IREB2: variants seen among roughly 807,000 people sequenced by gnomAD.
IREB2 encodes the protein iron responsive element binding protein 2.
Under a neutral mutation model 118.8 loss-of-function variants are expected in IREB2, and 39 were observed. The observed-to-expected ratio is 0.33, with a 90% CI of 0.25 to 0.43. IREB2 has a LOEUF of 0.43. Among genes scored for constraint, IREB2 ranks in the 20% least tolerant of loss-of-function variants. The pLI, the probability that IREB2 is intolerant of heterozygous loss-of-function variation, is 1.00. For synonymous variants in IREB2, 372 were observed against 392.2 expected, an observed-to-expected ratio of 0.95 and a Z score of 0.61; for missense variants, 900 against 1,147.3, an observed-to-expected ratio of 0.78 and a Z score of 3.11.
chr15:78,439,093 C>G (rs955035898), intron 1 of IREB2, among the ~76,000 whole-genome samples: 1 of 152,140 alleles, frequency 6.6e-6, no homozygotes, highest in Non-Finnish European at 1.5e-5. Flanking sequence ...CCCGCCACTG[C>G]CCCCTAGAAT....
intron 6 of IREB2, 88 bp downstream of exon 6, chr15:78,470,689 CT>C (rs67871183): frequency 0.13 from 26,941 of 208,424 alleles, 249 homozygotes; most frequent in Middle Eastern, 0.17. Flanking sequence ...TTTTCTTTTC[CT>C]TTTTTTTTTT....
At chr15:78,493,045 C>T (rs1483974377) in intron 18 of IREB2, among the ~76,000 whole-genome samples, 1 of 152,116 alleles carries the variant, frequency 6.6e-6, no homozygotes, top group African/African-American at 2.4e-5. Context: ...ACCTATGAAG[C>T]ATTGTTGCCA....
At chr15:78,446,543 C>G (rs2050932158) in intron 2 of IREB2, among the ~76,000 whole-genome samples, 1 of 152,096 alleles carries the variant, frequency 6.6e-6, no homozygotes, top group Non-Finnish European at 1.5e-5. Flanking sequence ...GATTTCTGCC[C>G]TGTTCCACTC....
chr15:78,483,574 T>C, intron 11 of IREB2, 140 bp downstream of exon 11: 1 of 573,242 alleles, frequency 1.7e-6, no homozygotes, highest in South Asian at 2.7e-5. Context: ...TTATTTTCCT[T>C]CTGTCTAATG....
chr15:78,445,847 C>G (rs2050920342), intron 2 of IREB2, among the ~76,000 whole-genome samples: 1 of 152,222 alleles, frequency 6.6e-6, no homozygotes, highest in East Asian at 1.9e-4. Flanking sequence ...TGTAGTGGTT[C>G]GATCATGGCT....
chr15:78,480,520 T>C (rs1270449744), intron 10 of IREB2, among the ~76,000 whole-genome samples: 1 of 150,896 alleles, frequency 6.6e-6, no homozygotes, highest in Non-Finnish European at 1.5e-5. Flanking sequence ...CCATCTCTAC[T>C]AAAAATACAA....
upstream of IREB2, chr15:78,438,185 G>C: frequency 1.6e-6 from 1 of 631,016 alleles, no homozygotes; most frequent in South Asian, 1.8e-5. Flanking sequence ...CAGACCCGGG[G>C]CTGGCTCTGC....
At chr15:78,442,763 CGT>C (rs1400147743) in intron 2 of IREB2, among the ~76,000 whole-genome samples, 1 of 152,180 alleles carries the variant, frequency 6.6e-6, no homozygotes, top group Non-Finnish European at 1.5e-5. Context: ...CCTTTCTTCC[CGT>C]TCTGTTTTTA....
chr15:78,487,731 A>ATTTT lies in IREB2; in HGVS notation c.1710-2_1710-1insTTTT. On this transcript the variant is annotated splice_acceptor_variant, in intron 13 of 21. Transcript: ENST00000258886. LOFTEE classifies it high-confidence loss of function. ...TTCAGTCACTTTTTTTTTGAAATGC[A>ATTTT]GATTTGAAATCGTTGGCTATGGATG... 6.4e-7 allele frequency: 1 copy of ATTTT among 1,570,446 alleles called. No individual in the cohort carries two copies. The highest frequency in any genetic ancestry group is 1.3e-5 in the African/African-American group (1 of 74,092).
At chr15:78,497,102 G>A (rs766787066) in intron 20 of IREB2, 24 bp from the exon 21 acceptor site, 3 of 1,580,512 alleles carry the variant, frequency 1.9e-6, no homozygotes, top group South Asian at 1.1e-5. Context: ...TGATTAGAGG[G>A]AATAAAATGC....
At chr15:78,456,984 G>T (rs1383041058) in intron 2 of IREB2, among the ~76,000 whole-genome samples, 2 of 152,040 alleles carry the variant, frequency 1.3e-5, no homozygotes, top group African/African-American at 2.4e-5. Context: ...GTATATTTAT[G>T]CAACTCATAA....
intron 2 of IREB2, among the ~76,000 whole-genome samples, chr15:78,444,044 G>C (rs2050888116): frequency 6.6e-6 from 1 of 151,784 alleles, no homozygotes; most frequent in African/African-American, 2.4e-5. Context: ...TCAAAATGTA[G>C]ATTTTGAGTA....
chr15:78,441,747 A>G (rs1011061263), intron 2 of IREB2, among the ~76,000 whole-genome samples: 2 of 152,230 alleles, frequency 1.3e-5, no homozygotes, highest in African/African-American at 2.4e-5. Flanking sequence ...ACATAACTGT[A>G]CAGAGTACAT....
At position 78,500,940 on chromosome 15, in the gene IREB2, G is replaced by A. The variant is rs1250289506; in HGVS notation, c.*2797G>A. ...TAGGACCTAAATCAGAATCATAGTT[G>A]CCTGCATATATGGTAACAAGGTCGT... On this transcript the variant is annotated 3_prime_UTR_variant, in exon 22 of 22. Coordinates refer to ENST00000258886, the MANE Select transcript of IREB2 (RefSeq NM_004136.4). The A allele has an allele frequency of 2.0e-5, 3 of 152,160 alleles. No homozygotes were observed. The highest frequency in any genetic ancestry group is 7.2e-5 in the African/African-American group (3 of 41,426). The allele number at this position is 152,160 out of a possible 1,614,324, so 9.4% of individuals were successfully genotyped here.
At chr15:78,455,316 G>A (rs1287739511) in intron 2 of IREB2, among the ~76,000 whole-genome samples, 1 of 152,156 alleles carries the variant, frequency 6.6e-6, no homozygotes, top group East Asian at 1.9e-4. Context: ...GGTATAGTTG[G>A]AGCACAAGAG....
upstream of IREB2, chr15:78,438,146 C>A: frequency 3.5e-6 from 2 of 572,174 alleles, no homozygotes; most frequent in Admixed American, 6.1e-5. Context: ...GACGATCTCG[C>A]GGGAGTTAGG....
intron 8 of IREB2, chr15:78,474,225 A>G (rs1308852346): frequency 6.6e-6 from 1 of 152,238 alleles, no homozygotes; most frequent in East Asian, 1.9e-4. Flanking sequence ...TGTTCCACAT[A>G]TAATTCCAAT....
intron 8 of IREB2, chr15:78,474,681 T>C (rs2051434697): frequency 6.6e-6 from 1 of 152,216 alleles, no homozygotes. Context: ...GTGATCCTTA[T>C]AGGAATAATC....
At chr15:78,452,381 T>C (rs149872059) in intron 2 of IREB2, among the ~76,000 whole-genome samples, 90 of 152,226 alleles carry the variant, frequency 5.9e-4, no homozygotes, top group African/African-American at 2.1e-3. Flanking sequence ...GAATCGGGCA[T>C]GTGGTTTTGG....
Sources: allele counts gnomAD v4.1 joint callset (sites outside exome capture counted in the v4.1 genomes callset), GRCh38; gene constraint gnomAD v4.1.1; transcripts MANE v1.5; gene names NCBI Gene and HGNC (gene_info 2026-07-23, HGNC 2026-07-21).